IQGAP2: variants seen among roughly 807,000 people sequenced by gnomAD.
The protein encoded by IQGAP2 is ras GTPase-activating-like protein IQGAP2.
In IQGAP2, 173 loss-of-function variants were observed where a neutral mutation model predicts 201.3. That is an observed-to-expected ratio of 0.86 (90% confidence interval 0.76 to 0.98). The LOEUF (loss-of-function observed/expected upper bound fraction) is 0.98. Among genes scored for constraint, IQGAP2 ranks in the 50% least tolerant of loss-of-function variants. The probability of loss-of-function intolerance (pLI) is 0.00; values close to 1 mark genes in which losing one functional copy is unlikely to be tolerated. For synonymous variants in IQGAP2, 675 were observed against 673.9 expected, an observed-to-expected ratio of 1.00 and a Z score of -0.03; for missense variants, 1,687 against 1,864.8, an observed-to-expected ratio of 0.90 and a Z score of 1.76.
At chr5:76,474,786 A>G (rs772671270) in intron 2 of IQGAP2, among the ~76,000 whole-genome samples, 4 of 152,104 alleles carry the variant, frequency 2.6e-5, no homozygotes, top group Non-Finnish European at 5.9e-5. Context: ...GGCCATCTCT[A>G]AGGACAACCT....
At chr5:76,495,047 AAAAT>A (rs545137605) in intron 2 of IQGAP2, among the ~76,000 whole-genome samples, 5 of 152,240 alleles carry the variant, frequency 3.3e-5, no homozygotes, top group African/African-American at 2.4e-5. Flanking sequence ...TTAGAAGGCA[AAAAT>A]AAATAAATAA....
intron 23 of IQGAP2, among the ~76,000 whole-genome samples, chr5:76,671,493 G>A (rs112470332): frequency 9.4e-4 from 143 of 152,116 alleles, no homozygotes; most frequent in African/African-American, 3.1e-3. Flanking sequence ...AGACCAGCCT[G>A]GCCAACATGG....
intron 30 of IQGAP2, among the ~76,000 whole-genome samples, chr5:76,685,713 G>C (rs1380878196): frequency 6.6e-6 from 1 of 152,080 alleles, no homozygotes; most frequent in Non-Finnish European, 1.5e-5. Flanking sequence ...CAGTGTGTTG[G>C]AAACAAACAC....
At chr5:76,611,513 T>A (rs1748411443) in intron 13 of IQGAP2, among the ~76,000 whole-genome samples, 1 of 152,200 alleles carries the variant, frequency 6.6e-6, no homozygotes, top group South Asian at 2.1e-4. Flanking sequence ...AAGATGGGGA[T>A]ACAGAGGGAC....
At chr5:76,441,599 T>G in intron 1 of IQGAP2, 1 of 760,696 alleles carries the variant, frequency 1.3e-6, no homozygotes, top group Non-Finnish European at 1.6e-6. Flanking sequence ...ATGTTTGGGC[T>G]GATTTTCACT....
chr5:76,644,282 ATTTTTGTAAATCCTTTTTTTTTT>A (rs1751832564), intron 17 of IQGAP2, among the ~76,000 whole-genome samples: 1 of 75,960 alleles, frequency 1.3e-5, no homozygotes, highest in Non-Finnish European at 2.8e-5. Flanking sequence ...TGAGACTGCC[ATTTTTGTAAATCCTTTTTTTTTT>A]TTTTTTTTTT....
chr5:76,665,049 G>T lies in IQGAP2; in HGVS notation c.2553G>T (p.Lys851Asn), dbSNP rs2150465843. Reference protein sequence around the residue: ...TLEDVISHSKKLNKKKGGEME... With the variant: ...TLEDVISHSKNLNKKKGGEME... Reference sequence around the variant, plus strand: ...AGGATGTAATTTCACATAGTAAAAAGCTGAACAAGAAAAAAGGAGGAGAAA... The same window carrying T: ...AGGATGTAATTTCACATAGTAAAAATCTGAACAAGAAAAAAGGAGGAGAAA... Residue 851 changes from lysine to asparagine, a missense_variant, in exon 22 of 36, where the codon AAG (lysine) becomes AAT (asparagine). Transcript: ENST00000274364. 3 of 1,582,476 alleles carry T rather than the reference G, an allele frequency of 1.9e-6. No homozygotes were observed. The highest frequency in any genetic ancestry group is 2.6e-6 in the Non-Finnish European group (3 of 1,152,202).
intron 1 of IQGAP2, among the ~76,000 whole-genome samples, chr5:76,453,639 C>T (rs1298890910): frequency 6.6e-6 from 1 of 152,122 alleles, no homozygotes; most frequent in Non-Finnish European, 1.5e-5. Context: ...GCCCAGAGGA[C>T]TGTTGTTATA....
chr5:76,668,314 A>G (rs997058898), intron 22 of IQGAP2, among the ~76,000 whole-genome samples: 1 of 152,074 alleles, frequency 6.6e-6, no homozygotes, highest in African/African-American at 2.4e-5. Context: ...AGTGTATCAT[A>G]TAGTGTGTAT....
chr5:76,626,277 T>TTTC (rs1750230432), intron 13 of IQGAP2, among the ~76,000 whole-genome samples: 2 of 126,678 alleles, frequency 1.6e-5, no homozygotes, highest in Admixed American at 1.6e-4. Flanking sequence ...TTTCTTTTTT[T>TTTC]TTTTTTTTTT....
intron 1 of IQGAP2, among the ~76,000 whole-genome samples, chr5:76,442,815 G>A (rs928889490): frequency 2.0e-5 from 3 of 151,998 alleles, no homozygotes; most frequent in Non-Finnish European, 2.9e-5. Context: ...GTGAAACCCC[G>A]TCTCTACTAA....
rs577671401 is a variant in IQGAP2 at position 76,594,177 on chromosome 5, C to G, written c.907+1252C>G. Among the ~76,000 whole-genome samples, 38 of 152,232 alleles carry G rather than the reference C, an allele frequency of 2.5e-4. No individual in the cohort carries two copies. In the South Asian group the frequency reaches 7.7e-3, roughly 31 times the overall value. The stretch of plus-strand genomic sequence containing the variant: ...ACAATTTAAAGTTTGTCTTTTTGCT[C>G]TATGCGAAAGCTGAGAACTTCGTGA... On this transcript the variant is annotated intron_variant, in intron 9 of 35. Coordinates refer to ENST00000274364, the MANE Select transcript of IQGAP2 (RefSeq NM_006633.5).
In IQGAP2 at chr5:76,673,575, C is replaced by T; in HGVS notation, c.3195C>T (p.Ser1065=). ...TDKVLNSIIS[S]LDLLPYGLRY... is the part of the protein sequence containing the mutation. Reference sequence around the variant, plus strand: ...AAGTCCTGAATTCTATCATTTCTTCCCTTGATCTACTGCCGTAAGTTGTAC... The same window carrying T: ...AAGTCCTGAATTCTATCATTTCTTCTCTTGATCTACTGCCGTAAGTTGTAC... The change falls in exon 25 of 36, where the codon TCC becomes TCT. Residue 1065 remains serine (S), a synonymous_variant. Coordinates refer to ENST00000274364, the MANE Select transcript of IQGAP2 (RefSeq NM_006633.5). The T allele has an allele frequency of 1.2e-6, 2 of 1,613,836 alleles. No homozygotes were observed. Among genetic ancestry groups the T allele is most frequent in the South Asian group, 1.1e-5 (1 of 91,046 alleles).
Position 76,413,882 on chromosome 5 carries a change from C to T in IQGAP2, c.46+10291C>T, listed in dbSNP as rs561952439. Among the ~76,000 whole-genome samples, 5 of 152,302 alleles carry T rather than the reference C, an allele frequency of 3.3e-5. No individual in the cohort carries two copies. In the South Asian group the frequency reaches 1.0e-3, roughly 32 times the overall value. ...GACTTAGCTACCAGGGTCAGCCAAC[C>T]TTGTGGTCAACCCAGTCCTGTGGGA... is the stretch of plus-strand genomic sequence containing the variant. On this transcript the variant is annotated intron_variant, in intron 1 of 35. Coordinates refer to ENST00000274364, the MANE Select transcript of IQGAP2 (RefSeq NM_006633.5).
chr5:76,589,240 AG>A (rs1342318584), intron 6 of IQGAP2, among the ~76,000 whole-genome samples: 6 of 147,766 alleles, frequency 4.1e-5, no homozygotes, highest in African/African-American at 1.5e-4. Flanking sequence ...TGAACCTGGG[AG>A]GCGGAGCTTG....
chr5:76,696,678 C>T (rs1395289489), intron 32 of IQGAP2, among the ~76,000 whole-genome samples: 1 of 152,028 alleles, frequency 6.6e-6, no homozygotes, highest in Non-Finnish European at 1.5e-5. Flanking sequence ...AGGCTTATTC[C>T]TTCTAGCCCA....
intron 13 of IQGAP2, chr5:76,617,464 G>T: frequency 1.4e-6 from 1 of 717,104 alleles, no homozygotes; most frequent in Non-Finnish European, 2.3e-6. Flanking sequence ...TGTAATGTTT[G>T]ACCTTTGAAG....
chr5:76,408,783 CTTATTTAT>C (rs139211546), intron 1 of IQGAP2, among the ~76,000 whole-genome samples: 27 of 151,518 alleles, frequency 1.8e-4, no homozygotes, highest in East Asian at 3.9e-4. Flanking sequence ...CCCAATCTCT[CTTATTTAT>C]TTATTTATTT....
At chr5:76,693,287 A>G (rs1746437049) in intron 30 of IQGAP2, 68 bp from the exon 31 acceptor site, 1 of 1,012,876 alleles carries the variant, frequency 9.9e-7, no homozygotes, top group African/African-American at 1.6e-5. Flanking sequence ...GCACTCTCTT[A>G]GGAGAAACAG....
Sources: allele counts gnomAD v4.1 joint callset (sites outside exome capture counted in the v4.1 genomes callset), GRCh38; gene constraint gnomAD v4.1.1; transcripts MANE v1.5; gene names NCBI Gene and HGNC (gene_info 2026-07-23, HGNC 2026-07-21).